The following MTHFD2L variants were observed in gnomAD, a reference collection of about 807,000 sequenced individuals.
MTHFD2L encodes bifunctional methylenetetrahydrofolate dehydrogenase/cyclohydrolase 2, mitochondrial.
A neutral mutation model predicts 34.9 loss-of-function variants in MTHFD2L; 29 were observed. That is an observed-to-expected ratio of 0.83 (90% CI 0.62 to 1.13). MTHFD2L has a LOEUF of 1.13. MTHFD2L is among the 50% of genes most tolerant of loss of function. The pLI, the probability that MTHFD2L is intolerant of heterozygous loss-of-function variation, is 0.00. For synonymous variants in MTHFD2L, 167 were observed against 155.7 expected, an observed-to-expected ratio of 1.07 and a Z score of -0.54; for missense variants, 481 against 446.5, an observed-to-expected ratio of 1.08 and a Z score of -0.70.
At position 74,247,798 on chromosome 4, in the gene MTHFD2L, A is replaced by G. The variant is rs192596856; in HGVS notation, c.805+22404A>G. Among the ~76,000 whole-genome samples, 887 of 152,260 alleles carry G rather than the reference A, an allele frequency of 5.8e-3. 10 individuals carry two copies. The highest frequency in any genetic ancestry group is 0.02 in the African/African-American group (851 of 41,564). On this transcript the variant is annotated intron_variant, in intron 6 of 7. Transcript: ENST00000325278. ...GGATTACATTTAATGATTTGCATAT[A>G]TTGAACCAGCCTTGCATCCCAGGGA... is the stretch of plus-strand genomic sequence containing the variant.
intron 6 of MTHFD2L, among the ~76,000 whole-genome samples, chr4:74,274,920 A>G (rs1342048974): frequency 2.0e-5 from 3 of 152,176 alleles, no homozygotes; most frequent in African/African-American, 7.2e-5. Flanking sequence ...ATAAGATGTT[A>G]GAGTTTGTTT....
chr4:74,223,656 T>G (rs1738624695), intron 5 of MTHFD2L, among the ~76,000 whole-genome samples: 2 of 152,060 alleles, frequency 1.3e-5, no homozygotes, highest in Non-Finnish European at 2.9e-5. Context: ...TAAATATTTT[T>G]GTATAATATT....
intron 1 of MTHFD2L, among the ~76,000 whole-genome samples, chr4:74,169,169 A>G (rs544550952): frequency 2.0e-5 from 3 of 152,370 alleles, no homozygotes; most frequent in South Asian, 4.1e-4. Context: ...GTCTGCTGTA[A>G]TTAGTTAGCG....
At position 74,196,952 on chromosome 4, in the gene MTHFD2L, A is replaced by G. The variant is rs1473917874; in HGVS notation, c.452-2842A>G. Among the ~76,000 whole-genome samples the G allele has an allele frequency of 4.6e-5, 7 of 152,046 alleles. No homozygotes were observed. The East Asian group carries it at 1.4e-3, about 29-fold the overall frequency. On this transcript the variant is annotated intron_variant, in intron 3 of 7. Transcript: ENST00000325278. The stretch of plus-strand genomic sequence containing the variant: ...CAGAATGAGACTCTGTCTCAAAAAA[A>G]AAAAAAAAAAACCCATACAAAACAT...
intron 3 of MTHFD2L, chr4:74,194,265 A>G (rs1235978650): frequency 6.6e-6 from 1 of 152,160 alleles, no homozygotes; most frequent in Non-Finnish European, 1.5e-5. Context: ...ATTTTCAACT[A>G]CGGTGTTAGC....
intron 1 of MTHFD2L, among the ~76,000 whole-genome samples, chr4:74,131,828 T>G (rs898981746): frequency 6.6e-6 from 1 of 152,158 alleles, no homozygotes; most frequent in Non-Finnish European, 1.5e-5. Flanking sequence ...TTTTGCAATC[T>G]ATCCATCTGA....
intron 3 of MTHFD2L, among the ~76,000 whole-genome samples, chr4:74,177,643 G>A (rs12163831): frequency 0.084 from 12,699 of 151,958 alleles, 929 homozygotes; most frequent in African/African-American, 0.19. Flanking sequence ...CTTGCTCACT[G>A]CTGTTTAGAA....
At chr4:74,178,170 G>T (rs1357960088) in intron 3 of MTHFD2L, among the ~76,000 whole-genome samples, 1 of 152,000 alleles carries the variant, frequency 6.6e-6, no homozygotes, top group African/African-American at 2.4e-5. Context: ...GAGGTCTATT[G>T]TACAACATGG....
chr4:74,247,988 G>A (rs986455103), intron 6 of MTHFD2L, among the ~76,000 whole-genome samples: 4 of 152,154 alleles, frequency 2.6e-5, no homozygotes, highest in Non-Finnish European at 1.5e-5. Flanking sequence ...GATGATGCTG[G>A]CCTCATAAAA....
intron 1 of MTHFD2L, among the ~76,000 whole-genome samples, chr4:74,134,631 G>A (rs1722777724): frequency 2.0e-5 from 3 of 152,154 alleles, no homozygotes; most frequent in African/African-American, 7.2e-5. Flanking sequence ...CAAAGTTCCA[G>A]CGACTGACCC....
chr4:74,160,457 G>A (rs1669758818), intron 1 of MTHFD2L: 1 of 157,544 alleles, frequency 6.3e-6, no homozygotes, highest in African/African-American at 2.4e-5. Context: ...AATAATTAAT[G>A]TTTGATGGAG....
chr4:74,244,578 A>T (rs1742155267), intron 6 of MTHFD2L, among the ~76,000 whole-genome samples: 2 of 152,200 alleles, frequency 1.3e-5, no homozygotes, highest in Admixed American at 6.5e-5. Context: ...TTGTATAATG[A>T]TATGTGGCAA....
At position 74,234,437 on chromosome 4, in the gene MTHFD2L, G is replaced by A. The variant is rs1740542026; in HGVS notation, c.805+9043G>A. ...AAGTTTGCCCATGCTAATAGATGTA[G>A]CACTATTTCTATAATACTCAATTGC... On this transcript the variant is annotated intron_variant, in intron 6 of 7. Transcript: ENST00000325278. Among the ~76,000 whole-genome samples the A allele has an allele frequency of 1.3e-5, 2 of 151,988 alleles. 1 individual carries two copies. The highest frequency in any genetic ancestry group is 4.1e-4 in the South Asian group (2 of 4,828).
intron 5 of MTHFD2L, among the ~76,000 whole-genome samples, chr4:74,222,790 A>G (rs1738441907): frequency 6.6e-6 from 1 of 152,072 alleles, no homozygotes; most frequent in Non-Finnish European, 1.5e-5. Context: ...AATTGTTTGC[A>G]ACTTTTAATC....
intron 6 of MTHFD2L, among the ~76,000 whole-genome samples, chr4:74,254,804 G>T (rs539246021): frequency 6.6e-5 from 9 of 135,854 alleles, no homozygotes; most frequent in Admixed American, 4.8e-4. Flanking sequence ...GATTAAAAGA[G>T]AACGGTATTA....
upstream of MTHFD2L, chr4:74,157,947 C>CGGCACTCTG: frequency 1.1e-6 from 1 of 895,154 alleles, no homozygotes; most frequent in East Asian, 2.7e-5. Flanking sequence ...CCTGCGGACC[C>CGGCACTCTG]GGCACTCTGT....
At chr4:74,247,385 A>C (rs1224951743) in intron 6 of MTHFD2L, among the ~76,000 whole-genome samples, 1 of 151,488 alleles carries the variant, frequency 6.6e-6, no homozygotes, top group East Asian at 1.9e-4. Context: ...TTGGGCTGAG[A>C]CAATGGGGTT....
intron 5 of MTHFD2L, among the ~76,000 whole-genome samples, chr4:74,212,102 G>T (rs561363446): frequency 8.6e-5 from 13 of 151,856 alleles, no homozygotes; most frequent in African/African-American, 3.1e-4. Flanking sequence ...CTGGCTAGTG[G>T]TCAATTTATT....
At chr4:74,235,354 G>A (rs1192667699) in intron 6 of MTHFD2L, among the ~76,000 whole-genome samples, 1 of 152,158 alleles carries the variant, frequency 6.6e-6, no homozygotes, top group Non-Finnish European at 1.5e-5. Flanking sequence ...TAGAGACTAA[G>A]TATATGGTGT....
Sources: gnomAD v4.1 joint callset for allele counts (sites outside exome capture counted in the v4.1 genomes callset) on GRCh38, gnomAD v4.1.1 for gene constraint, MANE v1.5 for transcripts, NCBI Gene and HGNC (gene_info 2026-07-23, HGNC 2026-07-21) for gene names.